Variants in NXPH1 observed in about 807,000 individuals in gnomAD.
The protein encoded by NXPH1 is neurexophilin-1.
A neutral mutation model predicts 23.7 loss-of-function variants in NXPH1; 5 were observed. The observed-to-expected ratio is 0.21, with a 90% confidence interval of 0.11 to 0.44. The LOEUF is 0.44. Among genes scored for constraint, NXPH1 ranks in the 20% least tolerant of loss-of-function variants. NXPH1 has a pLI of 0.99. For synonymous variants in NXPH1, 144 were observed against 122.2 expected (o/e 1.18, Z -1.18); for missense variants, 324 against 321.6 (o/e 1.01, Z -0.06).
At chr7:8,457,542 G>GTTT (rs34212357) in intron 2 of NXPH1, among the ~76,000 whole-genome samples, 13,183 of 145,694 alleles carry the variant, frequency 0.09, 1,429 homozygotes, top group African/African-American at 0.26. Context: ...CTAATTCTTA[G>GTTT]TTTTTTTTTT....
intron 2 of NXPH1, among the ~76,000 whole-genome samples, chr7:8,441,633 G>A (rs1405440744): frequency 7.9e-5 from 12 of 152,150 alleles, no homozygotes; most frequent in Non-Finnish European, 1.3e-4. Flanking sequence ...CTCGAGATGA[G>A]GAAATGCCAA....
At chr7:8,731,590 G>A (rs1052165245) in intron 2 of NXPH1, among the ~76,000 whole-genome samples, 1 of 152,274 alleles carries the variant, frequency 6.6e-6, no homozygotes, top group South Asian at 2.1e-4. Context: ...GTCTGTTGGA[G>A]TACTCGGCTG....
At chr7:8,613,582 T>C (rs10265614) in intron 2 of NXPH1, among the ~76,000 whole-genome samples, 4,058 of 152,074 alleles carry the variant, frequency 0.027, 188 homozygotes, top group African/African-American at 0.093. Flanking sequence ...AAATGACTGG[T>C]TAATGTAGGA....
chr7:8,635,562 A>T lies in NXPH1; in HGVS notation c.55-115446A>T, dbSNP rs147682581. The stretch of plus-strand genomic sequence containing the variant: ...TTATGGGTATAGAAAAAAGAAAATA[A>T]AGATGCATCAAGATAGATATGTTAG... On this transcript the variant is annotated intron_variant, in intron 2 of 2. Transcript: ENST00000405863. 2.0e-3 allele frequency among the ~76,000 whole-genome samples: 300 copies of T among 152,342 alleles called. 2 individuals carry two copies. The highest frequency in any genetic ancestry group is 6.7e-3 in the African/African-American group (278 of 41,592).
intron 2 of NXPH1, among the ~76,000 whole-genome samples, chr7:8,587,682 G>A (rs1819007281): frequency 1.3e-5 from 2 of 151,982 alleles, no homozygotes; most frequent in South Asian, 2.1e-4. Context: ...TCCCATCCCT[G>A]TGTCCATGTG....
At chr7:8,710,930 G>A in intron 2 of NXPH1, among the ~76,000 whole-genome samples, 1 of 114,882 alleles carries the variant, frequency 8.7e-6, no homozygotes, top group Non-Finnish European at 1.6e-5. Context: ...CCAAAGTGCT[G>A]GGACTACAGG....
chr7:8,438,777 T>C (rs1230983867), intron 2 of NXPH1, among the ~76,000 whole-genome samples: 1 of 152,236 alleles, frequency 6.6e-6, no homozygotes, highest in African/African-American at 2.4e-5. Flanking sequence ...GGTGAATGTT[T>C]GCAAAGTATG....
intron 2 of NXPH1, among the ~76,000 whole-genome samples, chr7:8,613,204 A>G (rs1006129701): frequency 6.6e-6 from 1 of 151,620 alleles, no homozygotes; most frequent in African/African-American, 2.4e-5. Context: ...GCCAATTTCA[A>G]TAATTATAGT....
rs1047048457 is a variant in NXPH1, at chr7:8,477,897, T to C, written c.54+42130T>C. Reference sequence around the variant, plus strand: ...CTTTATTACAATTACGTGTTTGAATTTCTGACTCCCTTATCAGCTTTTAAA... The same window carrying C: ...CTTTATTACAATTACGTGTTTGAATCTCTGACTCCCTTATCAGCTTTTAAA... On this transcript the variant is annotated intron_variant, in intron 2 of 2. Coordinates refer to ENST00000405863, the MANE Select transcript of NXPH1 (RefSeq NM_152745.3). Among the ~76,000 whole-genome samples the C allele has an allele frequency of 2.0e-5, 3 of 152,268 alleles. No homozygotes were observed. The East Asian group carries it at 5.8e-4, about 29-fold the overall frequency.
intron 2 of NXPH1, among the ~76,000 whole-genome samples, chr7:8,558,506 C>T (rs547695703): frequency 1.3e-4 from 20 of 151,770 alleles, no homozygotes; most frequent in Admixed American, 6.6e-4. Flanking sequence ...TTAGTTACTA[C>T]ATAAAATGAT....
rs545430953 is a variant in NXPH1, at chr7:8,692,248, A to G, written c.55-58760A>G. 8.5e-5 allele frequency among the ~76,000 whole-genome samples: 13 copies of G among 152,274 alleles called. No individual in the cohort carries two copies. In the South Asian group the frequency reaches 2.7e-3, roughly 32 times the overall value. ...AAGGAAGTGAAATGATTTGATGAAC[A>G]TATTTAGAAGATCACTCGGACAGCT... On this transcript the variant is annotated intron_variant, in intron 2 of 2. Transcript: ENST00000405863.
intron 2 of NXPH1, among the ~76,000 whole-genome samples, chr7:8,582,601 G>T (rs11771417): frequency 0.18 from 26,865 of 152,152 alleles, 3,060 homozygotes; most frequent in Non-Finnish European, 0.25. Flanking sequence ...CCCGAAGTGG[G>T]TTGCTTCTTC....
chr7:8,573,379 A>C (rs1818688830), intron 2 of NXPH1, among the ~76,000 whole-genome samples: 1 of 152,140 alleles, frequency 6.6e-6, no homozygotes, highest in African/African-American at 2.4e-5. Context: ...GTATAAAACG[A>C]CATGAATGGT....
At chr7:8,512,796 G>A (rs542240611) in intron 2 of NXPH1, among the ~76,000 whole-genome samples, 169 of 152,226 alleles carry the variant, frequency 1.1e-3, no homozygotes, top group South Asian at 2.1e-3. Flanking sequence ...TTATGCATGT[G>A]TAGAAAAGGA....
intron 2 of NXPH1, among the ~76,000 whole-genome samples, chr7:8,655,568 A>AT (rs1055532151): frequency 5.3e-5 from 2 of 37,586 alleles, no homozygotes; most frequent in African/African-American, 1.6e-4. Context: ...GTGTAAATGC[A>AT]TGTGTGTGTG....
At chr7:8,670,655 G>A (rs990488762) in intron 2 of NXPH1, among the ~76,000 whole-genome samples, 38 of 152,142 alleles carry the variant, frequency 2.5e-4, no homozygotes, top group African/African-American at 7.7e-4. Context: ...GCCCAATATC[G>A]TCATTTACCA....
intron 2 of NXPH1, among the ~76,000 whole-genome samples, chr7:8,559,023 G>A (rs1818401705): frequency 6.6e-6 from 1 of 151,574 alleles, no homozygotes; most frequent in African/African-American, 2.4e-5. Flanking sequence ...CTGGAGTGTG[G>A]TGGCATGATC....
intron 2 of NXPH1, among the ~76,000 whole-genome samples, chr7:8,512,312 A>T (rs1398959606): frequency 6.6e-6 from 1 of 152,168 alleles, no homozygotes; most frequent in African/African-American, 2.4e-5. Flanking sequence ...TGAATTTTAA[A>T]ACATTCATTA....
At chr7:8,580,831 A>C (rs1438404963) in intron 2 of NXPH1, among the ~76,000 whole-genome samples, 2 of 152,098 alleles carry the variant, frequency 1.3e-5, no homozygotes, top group Non-Finnish European at 2.9e-5. Context: ...TGCTTTCTTC[A>C]AATCTCTGTC....
Sources: gnomAD v4.1 joint callset for allele counts (sites outside exome capture counted in the v4.1 genomes callset) on GRCh38, gnomAD v4.1.1 for gene constraint, MANE v1.5 for transcripts, NCBI Gene and HGNC (gene_info 2026-07-23, HGNC 2026-07-21) for gene names.